KIFAP3: variants seen among roughly 807,000 people sequenced by gnomAD.
KIFAP3 encodes the protein kinesin associated protein 3.
In KIFAP3, 68 loss-of-function variants were observed where a neutral mutation model predicts 106.5. That is an observed-to-expected ratio of 0.64 (90% CI 0.53 to 0.78). The LOEUF is 0.78. KIFAP3 is among the 30% of genes least tolerant of loss of function. KIFAP3 has a pLI of 0.00. For synonymous variants in KIFAP3, 320 were observed against 311.5 expected (o/e 1.03, Z -0.29); for missense variants, 780 against 941.8 (o/e 0.83, Z 2.25).
chr1:170,006,331 G>A (rs760024187), intron 10 of KIFAP3, among the ~76,000 whole-genome samples: 1 of 152,096 alleles, frequency 6.6e-6, no homozygotes, highest in Non-Finnish European at 1.5e-5. Flanking sequence ...TAGGTATTAG[G>A]AGTAAAGAAG....
chr1:170,035,449 C>T lies in KIFAP3; in HGVS notation c.617+5G>A, dbSNP rs1669638923. The stretch of plus-strand genomic sequence containing the variant: ...GCCTTTTTATTTAATAATTTTTATA[C>T]TTACCTGGAGAAACAAAAAAAGATG... On this transcript the variant is annotated splice_donor_5th_base_variant and intron_variant, in intron 6 of 19. Transcript: ENST00000361580. 6.4e-7 allele frequency: 1 copy of T among 1,567,570 alleles called. No individual in the cohort carries two copies. Among genetic ancestry groups the T allele is most frequent in the South Asian group, 1.2e-5 (1 of 86,080 alleles).
intron 19 of KIFAP3, among the ~76,000 whole-genome samples, chr1:169,924,908 T>C (rs74767577): frequency 0.035 from 5,286 of 152,282 alleles, 265 homozygotes; most frequent in African/African-American, 0.11. Flanking sequence ...TTGACTTCAA[T>C]AGTGTGTATC....
Position 169,972,535 on chromosome 1 carries a change from TCA to T in KIFAP3, c.1959_1960del (p.Cys653Ter). 1 of 1,518,616 alleles carries T rather than the reference TCA, an allele frequency of 6.6e-7. No individual in the cohort carries two copies. Among genetic ancestry groups the T allele is most frequent in the Non-Finnish European group, 9.1e-7 (1 of 1,097,136 alleles). The allele number at this position is 1,518,616 out of a possible 1,614,324, so 94.1% of individuals were successfully genotyped here. On this transcript the variant is annotated stop_gained and frameshift_variant, in exon 17 of 20. Coordinates refer to ENST00000361580, the MANE Select transcript of KIFAP3 (RefSeq NM_014970.4). LOFTEE classifies it high-confidence loss of function. ...TACCGCTATAATATCTAATGTATTA[TCA>T]CAGACCTTTCGGATTTCATTATTCT...
At chr1:169,969,332 G>T (rs1327888509) in intron 17 of KIFAP3, among the ~76,000 whole-genome samples, 1 of 151,994 alleles carries the variant, frequency 6.6e-6, no homozygotes, top group Non-Finnish European at 1.5e-5. Flanking sequence ...TTACTGGCAA[G>T]ATTATTAATA....
chr1:169,936,568 T>G (rs1216497944), intron 19 of KIFAP3, among the ~76,000 whole-genome samples: 1 of 151,848 alleles, frequency 6.6e-6, no homozygotes, highest in Non-Finnish European at 1.5e-5. Flanking sequence ...TGTGGTTCTT[T>G]GTCAAATATT....
Position 170,046,725 on chromosome 1 carries a change from T to C in KIFAP3, c.306A>G (p.Ser102=). The change falls in exon 3 of 20, where the codon TCA becomes TCG. Residue 102 remains serine, a synonymous_variant. Transcript: ENST00000361580. The part of the protein sequence containing the change: ...LLYYLQNRRD[S]LSGKEKKEKS... ...TCTACTACTTACCTTTTCCTGACAA[T>C]GAATCACGGCGGTTCTGTAGATAGT... 3.2e-6 allele frequency: 5 copies of C among 1,553,774 alleles called. No individual in the cohort carries two copies. The highest frequency in any genetic ancestry group is 3.5e-6 in the Non-Finnish European group (4 of 1,148,678).
chr1:170,021,807 T>C (rs1220890982), intron 9 of KIFAP3, among the ~76,000 whole-genome samples: 1 of 152,074 alleles, frequency 6.6e-6, no homozygotes, highest in African/African-American at 2.4e-5. Flanking sequence ...CAATCAGATG[T>C]TTAAACACTA....
At chr1:170,045,228 T>G (rs928248713) in intron 3 of KIFAP3, among the ~76,000 whole-genome samples, 1 of 152,136 alleles carries the variant, frequency 6.6e-6, no homozygotes, top group Admixed American at 6.6e-5. Context: ...ATGTAGTTTC[T>G]TTATAGTGTT....
chr1:169,922,535 A>T lies in KIFAP3; in HGVS notation c.2274-754T>A, dbSNP rs1267932849. On this transcript the variant is annotated intron_variant, in intron 19 of 19. Coordinates refer to ENST00000361580, the MANE Select transcript of KIFAP3 (RefSeq NM_014970.4). The stretch of plus-strand genomic sequence containing the variant: ...TGTTAAACTTCATGATTATTATTTT[A>T]AAAAAATTACTTGTTGGTCTATTAA... Among the ~76,000 whole-genome samples the T allele has an allele frequency of 7.2e-5, 11 of 152,332 alleles. No individual in the cohort carries two copies. In the South Asian group the frequency reaches 1.0e-3, roughly 14 times the overall value.
intron 10 of KIFAP3, among the ~76,000 whole-genome samples, chr1:170,015,957 G>A (rs777101719): frequency 6.6e-6 from 1 of 152,032 alleles, no homozygotes; most frequent in African/African-American, 2.4e-5. Flanking sequence ...TAGAGGCTGA[G>A]GTGGGAGGAT....
intron 5 of KIFAP3, among the ~76,000 whole-genome samples, chr1:170,036,429 C>T (rs536925097): frequency 2.6e-5 from 4 of 152,024 alleles, no homozygotes; most frequent in Non-Finnish European, 4.4e-5. Flanking sequence ...TATGAATCCA[C>T]GTAGTGACAA....
intron 13 of KIFAP3, 126 bp downstream of exon 13, chr1:169,983,144 T>C: frequency 1.5e-6 from 1 of 654,290 alleles, no homozygotes; most frequent in Non-Finnish European, 2.6e-6. Flanking sequence ...ACTAACAAAG[T>C]TGATAACATA....
At chr1:169,999,861 G>T (rs1331001116) in intron 10 of KIFAP3, among the ~76,000 whole-genome samples, 1 of 152,006 alleles carries the variant, frequency 6.6e-6, no homozygotes, top group Non-Finnish European at 1.5e-5. Flanking sequence ...CACTTATAAA[G>T]TACATTCAAG....
chr1:170,023,380 A>G (rs1668951903), intron 9 of KIFAP3, among the ~76,000 whole-genome samples: 1 of 152,110 alleles, frequency 6.6e-6, no homozygotes, highest in Non-Finnish European at 1.5e-5. Context: ...TAGAGTAGGT[A>G]GACATACTAT....
intron 18 of KIFAP3, 91 bp downstream of exon 18, chr1:169,960,955 G>T (rs1248994348): frequency 2.3e-6 from 2 of 869,324 alleles, no homozygotes; most frequent in African/African-American, 1.7e-5. Context: ...TAAAAGAAGT[G>T]CTTATTAAGC....
At chr1:169,936,603 A>G (rs1382736432) in intron 19 of KIFAP3, among the ~76,000 whole-genome samples, 2 of 151,836 alleles carry the variant, frequency 1.3e-5, no homozygotes, top group Non-Finnish European at 3.0e-5. Flanking sequence ...AGAGTGCTAT[A>G]AAATCTGAAC....
intron 2 of KIFAP3, 83 bp from the exon 3 acceptor site, chr1:170,046,949 T>TCTC (rs1670290173): frequency 2.8e-6 from 2 of 719,024 alleles, no homozygotes; most frequent in South Asian, 9.4e-5. Context: ...ATTTATAGAT[T>TCTC]ATAAATTATT....
At chr1:170,038,618 C>T (rs1485694943) in intron 4 of KIFAP3, among the ~76,000 whole-genome samples, 187 bp from the exon 5 acceptor site, 1 of 152,090 alleles carries the variant, frequency 6.6e-6, no homozygotes, top group South Asian at 2.1e-4. Flanking sequence ...TACAAAACCC[C>T]ATGATAAAAT....
intron 19 of KIFAP3, among the ~76,000 whole-genome samples, chr1:169,940,067 G>T (rs907045838): frequency 1.3e-5 from 2 of 152,192 alleles, no homozygotes; most frequent in South Asian, 2.1e-4. Flanking sequence ...CAACATAAAA[G>T]AAGTCCTTGA....
Sources: allele counts gnomAD v4.1 joint callset (sites outside exome capture counted in the v4.1 genomes callset), GRCh38; gene constraint gnomAD v4.1.1; transcripts MANE v1.5; gene names NCBI Gene and HGNC (gene_info 2026-07-23, HGNC 2026-07-21).